PDE4D: variants seen among roughly 807,000 people sequenced by gnomAD.
The protein encoded by PDE4D is 3',5'-cyclic-AMP phosphodiesterase 4D.
In PDE4D, 24 loss-of-function variants were observed where a neutral mutation model predicts 87.4. The observed-to-expected ratio is 0.27, with a 90% CI of 0.20 to 0.39. PDE4D has a LOEUF of 0.39. Ranked by LOEUF, PDE4D falls within the 10% of genes least tolerant of loss-of-function variation. The probability of loss-of-function intolerance (pLI) is 1.00; values close to 1 mark genes in which losing one functional copy is unlikely to be tolerated. For missense variants in PDE4D, 714 were observed against 1,041.0 expected, an observed-to-expected ratio of 0.69 and a Z score of 4.32; for synonymous variants, 384 against 383.2, an observed-to-expected ratio of 1.00 and a Z score of -0.02.
intron 1 of PDE4D, among the ~76,000 whole-genome samples, chr5:60,241,127 T>A (rs1404764235): frequency 1.3e-5 from 2 of 151,888 alleles, no homozygotes; most frequent in African/African-American, 4.8e-5. Context: ...AAATTCAAGA[T>A]AATACAAAGA....
intron 1 of PDE4D, among the ~76,000 whole-genome samples, chr5:59,473,569 G>A (rs1043538869): frequency 6.6e-6 from 1 of 151,886 alleles, no homozygotes; most frequent in Non-Finnish European, 1.5e-5. Flanking sequence ...TGTTTGTTGT[G>A]GCTACCATCT....
chr5:60,480,834 G>GC (rs1223873760), intron 1 of PDE4D, among the ~76,000 whole-genome samples: 1 of 152,108 alleles, frequency 6.6e-6, no homozygotes, highest in African/African-American at 2.4e-5. Flanking sequence ...GGTGAAGAAT[G>GC]CAAGTGCCTA....
chr5:59,418,671 CAG>C (rs141236762), intron 1 of PDE4D, among the ~76,000 whole-genome samples: 5,223 of 151,986 alleles, frequency 0.034, 314 homozygotes, highest in African/African-American at 0.12. Flanking sequence ...TTTTTTGAGA[CAG>C]AGTCTTACTC....
At chr5:60,130,413 C>A (rs898761257) in intron 2 of PDE4D, among the ~76,000 whole-genome samples, 1 of 152,114 alleles carries the variant, frequency 6.6e-6, no homozygotes, top group Non-Finnish European at 1.5e-5. Flanking sequence ...GTGAGATGCC[C>A]AATCTGTCTC....
chr5:59,680,497 C>T (rs894629961), intron 1 of PDE4D, among the ~76,000 whole-genome samples: 1 of 152,020 alleles, frequency 6.6e-6, no homozygotes, highest in African/African-American at 2.4e-5. Context: ...ATCGATTCAA[C>T]TCTAGATGAA....
chr5:59,695,018 C>A (rs1419422578), intron 1 of PDE4D, among the ~76,000 whole-genome samples: 1 of 152,022 alleles, frequency 6.6e-6, no homozygotes, highest in African/African-American at 2.4e-5. Context: ...AAGTCGGGAC[C>A]CCCCAGGAAT....
chr5:59,759,504 G>A (rs1005232657), intron 1 of PDE4D, among the ~76,000 whole-genome samples: 3 of 152,112 alleles, frequency 2.0e-5, no homozygotes, highest in Admixed American at 1.3e-4. Context: ...TTTTCTCAAT[G>A]CCAATTGTCA....
intron 1 of PDE4D, among the ~76,000 whole-genome samples, chr5:59,610,385 ATG>A (rs1828827986): frequency 6.6e-6 from 1 of 152,182 alleles, no homozygotes; most frequent in Admixed American, 6.5e-5. Context: ...CTAATTAATT[ATG>A]TGTTTGTTAC....
chr5:59,416,673 A>C (rs1332028750), intron 1 of PDE4D, among the ~76,000 whole-genome samples: 1 of 152,178 alleles, frequency 6.6e-6, no homozygotes, highest in Non-Finnish European at 1.5e-5. Flanking sequence ...TGTGTCCCCA[A>C]AGTTAGATCA....
intron 1 of PDE4D, among the ~76,000 whole-genome samples, chr5:60,293,015 CT>C (rs1214916031): frequency 4.6e-4 from 66 of 142,522 alleles, no homozygotes; most frequent in Middle Eastern, 7.5e-3. Flanking sequence ...AAATTCCCCC[CT>C]TTTTTTTTTG....
chr5:60,232,635 C>A (rs958238631), intron 1 of PDE4D, among the ~76,000 whole-genome samples: 2 of 151,810 alleles, frequency 1.3e-5, no homozygotes, highest in African/African-American at 4.8e-5. Flanking sequence ...TTGAGTAAAG[C>A]AGGTTATTTC....
intron 2 of PDE4D, among the ~76,000 whole-genome samples, chr5:60,103,930 G>A (rs1335918951): frequency 6.6e-6 from 1 of 152,136 alleles, no homozygotes; most frequent in Non-Finnish European, 1.5e-5. Context: ...CAGCATGAGC[G>A]ACGCAGAAGA....
At chr5:59,571,871 C>T (rs74715744) in intron 1 of PDE4D, among the ~76,000 whole-genome samples, 2,027 of 152,272 alleles carry the variant, frequency 0.013, 21 homozygotes, top group Non-Finnish European at 0.021. Context: ...AGCCATGTCA[C>T]ACATTTCTGA....
chr5:59,457,562 T>C (rs1215830166), intron 1 of PDE4D, among the ~76,000 whole-genome samples: 1 of 152,162 alleles, frequency 6.6e-6, no homozygotes, highest in East Asian at 1.9e-4. Flanking sequence ...GTTGGCTGAA[T>C]GGGTAAATGA....
chr5:60,301,987 A>C (rs1295863124), intron 1 of PDE4D, among the ~76,000 whole-genome samples: 1 of 152,122 alleles, frequency 6.6e-6, no homozygotes, highest in African/African-American at 2.4e-5. Context: ...ATTGATTTGC[A>C]TATGTTGATA....
chr5:59,884,196 GTC>G (rs150739806), intron 1 of PDE4D, among the ~76,000 whole-genome samples: 1 of 151,146 alleles, frequency 6.6e-6, no homozygotes, highest in Non-Finnish European at 1.5e-5. Context: ...CTCTGTCTTT[GTC>G]TCTCTCTCTC....
chr5:59,456,635 C>CT (rs1452875598), intron 1 of PDE4D, among the ~76,000 whole-genome samples: 2 of 152,154 alleles, frequency 1.3e-5, no homozygotes, highest in Non-Finnish European at 2.9e-5. Flanking sequence ...GGGAAGGCTA[C>CT]TTTCTACAGT....
intron 2 of PDE4D, among the ~76,000 whole-genome samples, chr5:59,998,551 CA>C (rs1259168856): frequency 1.3e-5 from 2 of 152,078 alleles, no homozygotes; most frequent in African/African-American, 4.8e-5. Flanking sequence ...GAAATCTATA[CA>C]ACTTTTCCAA....
chr5:60,291,498 G>C (rs906941681), intron 1 of PDE4D, among the ~76,000 whole-genome samples: 58 of 150,648 alleles, frequency 3.9e-4, no homozygotes, highest in Admixed American at 3.8e-3. Flanking sequence ...ATAGCTAAAA[G>C]CAAAAAAAAA....
Sources: allele counts gnomAD v4.1 joint callset (sites outside exome capture counted in the v4.1 genomes callset), GRCh38; gene constraint gnomAD v4.1.1; transcripts MANE v1.5; gene names NCBI Gene and HGNC (gene_info 2026-07-23, HGNC 2026-07-21).